Variants in OAS1 observed in about 807,000 individuals in gnomAD.
OAS1 encodes 2'-5'-oligoadenylate synthetase 1.
In OAS1, 24 loss-of-function variants were observed where a neutral mutation model predicts 38.5. The observed-to-expected ratio is 0.62, with a 90% CI of 0.45 to 0.88. The LOEUF is 0.88. Ranked by LOEUF, OAS1 falls within the 40% of genes least tolerant of loss-of-function variation. The probability of loss-of-function intolerance (pLI) is 0.00; values close to 1 mark genes in which losing one functional copy is unlikely to be tolerated. For synonymous variants in OAS1, 169 were observed against 193.9 expected, an observed-to-expected ratio of 0.87 and a Z score of 1.07; for missense variants, 482 against 493.9, an observed-to-expected ratio of 0.98 and a Z score of 0.23.
At chr12:112,926,335 C>T (rs994855166) in intron 6 of OAS1, among the ~76,000 whole-genome samples, 1 of 152,174 alleles carries the variant, frequency 6.6e-6, no homozygotes, top group South Asian at 2.1e-4. Flanking sequence ...AGGAGTACGA[C>T]ATGATGCTTG....
intron 3 of OAS1, among the ~76,000 whole-genome samples, chr12:112,914,640 G>T (rs898196514): frequency 1.3e-5 from 2 of 151,702 alleles, no homozygotes; most frequent in Non-Finnish European, 2.9e-5. Context: ...CATTCTTGCA[G>T]GAGTGAGGTG....
chr12:112,911,609 A>G (rs538544021), intron 3 of OAS1, among the ~76,000 whole-genome samples: 1 of 152,312 alleles, frequency 6.6e-6, no homozygotes, highest in South Asian at 2.1e-4. Context: ...AAGGTGGATA[A>G]GTTAAAACAA....
At chr12:112,927,185 C>T (rs2043565102) in intron 6 of OAS1, among the ~76,000 whole-genome samples, 1 of 152,156 alleles carries the variant, frequency 6.6e-6, no homozygotes, top group Admixed American at 6.5e-5. Context: ...CATACATCCT[C>T]AGCTTATGAA....
At chr12:112,923,046 G>A (rs1176037967), downstream of OAS1, among the ~76,000 whole-genome samples, 1 of 152,180 alleles carries the variant, frequency 6.6e-6, no homozygotes, top group Non-Finnish European at 1.5e-5. Context: ...TTTAAAGGCT[G>A]TATGTGCACT....
At chr12:112,926,963 A>G (rs1375280949) in intron 6 of OAS1, among the ~76,000 whole-genome samples, 1 of 152,134 alleles carries the variant, frequency 6.6e-6, no homozygotes, top group Non-Finnish European at 1.5e-5. Flanking sequence ...ATTCAGGGAT[A>G]TTTCTCTTAC....
intron 5 of OAS1, 142 bp downstream of exon 5, chr12:112,917,842 C>T: frequency 1.3e-6 from 2 of 1,567,984 alleles, no homozygotes; most frequent in Non-Finnish European, 1.7e-6. Flanking sequence ...GGCTGTGCTC[C>T]ATATTTTACA....
rs761571646 is a variant in OAS1 at position 112,907,024 on chromosome 12, ACTCT to A, written c.-10_-7del. On this transcript the variant is annotated 5_prime_UTR_variant, in exon 1 of 6. Transcript: ENST00000202917. ...AGGTCTGGGAGGCAGTTCTGTTGCC[ACTCT>A]CTCTCCTGTCAATGATGGATCTCAG... 20 of 1,613,790 alleles carry A rather than the reference ACTCT, an allele frequency of 1.2e-5. No homozygotes were observed. In the African/African-American group the frequency reaches 2.5e-4, roughly 20 times the overall value.
chr12:112,928,034 A>T (rs1401076650), intron 6 of OAS1, among the ~76,000 whole-genome samples: 4 of 152,168 alleles, frequency 2.6e-5, no homozygotes, highest in Non-Finnish European at 5.9e-5. Flanking sequence ...AGGCAAACCC[A>T]CTGAACTCAG....
intron 6 of OAS1, among the ~76,000 whole-genome samples, chr12:112,930,425 A>G (rs1947167943): frequency 6.6e-6 from 1 of 152,212 alleles, no homozygotes; most frequent in Non-Finnish European, 1.5e-5. Flanking sequence ...TGGGATTTGA[A>G]CCCACCTTTG....
rs111747561 is a variant in OAS1, at chr12:112,919,689, C to G, written c.*136C>G. The G allele has an allele frequency of 4.0e-4, 617 of 1,551,996 alleles. 3 individuals are homozygous for G. The African/African-American group carries it at 7.4e-3, about 19-fold the overall frequency. On this transcript the variant is annotated 3_prime_UTR_variant, in exon 6 of 6. Coordinates refer to ENST00000202917, the MANE Select transcript of OAS1 (RefSeq NM_016816.4). ...ATAATCCAGGACAGAACCCAGGTCT[C>G]CTGACTCCTGGCCTTCTATGCCCTC...
At chr12:112,918,396 G>A (rs902303936) in intron 5 of OAS1, 3 of 278,492 alleles carry the variant, frequency 1.1e-5, no homozygotes, top group African/African-American at 2.2e-5. Flanking sequence ...TCACACTGAT[G>A]GGCACTTAAG....
chr12:112,927,465 C>T (rs1293577545), intron 6 of OAS1, among the ~76,000 whole-genome samples: 1 of 152,128 alleles, frequency 6.6e-6, no homozygotes, highest in East Asian at 1.9e-4. Flanking sequence ...CCATGTGACT[C>T]CCAGAATCCT....
intron 3 of OAS1, among the ~76,000 whole-genome samples, chr12:112,915,343 C>A (rs2043441228): frequency 6.6e-6 from 1 of 152,160 alleles, no homozygotes; most frequent in Non-Finnish European, 1.5e-5. Context: ...ATGCAACTTG[C>A]CAATTATCCT....
chr12:112,922,310 A>G (rs941803028), downstream of OAS1, among the ~76,000 whole-genome samples: 10 of 152,114 alleles, frequency 6.6e-5, no homozygotes, highest in Non-Finnish European at 1.2e-4. Flanking sequence ...GGAAGGGATG[A>G]TGACTTTTTA....
chr12:112,917,967 G>C (rs572312387), intron 5 of OAS1: 3 of 1,387,092 alleles, frequency 2.2e-6, no homozygotes, highest in Non-Finnish European at 2.8e-6. Context: ...TGTCTGCTTC[G>C]GGCTCAGGTT....
Position 112,928,699 on chromosome 12 carries a change from G to A in OAS1, c.1168-3179G>A, listed in dbSNP as rs183705407. 1.2e-3 allele frequency among the ~76,000 whole-genome samples: 182 copies of A among 152,332 alleles called. 1 individual carries two copies. The highest frequency in any genetic ancestry group is 4.7e-3 in the Admixed American group (72 of 15,300). Reference sequence around the variant, plus strand: ...TTTAAGGCCTCAGCCCAGCACTGACGTGCCGTCACTTCTCACATTCCACTG... The same window carrying A: ...TTTAAGGCCTCAGCCCAGCACTGACATGCCGTCACTTCTCACATTCCACTG... On this transcript the variant is annotated intron_variant, in intron 6 of 6. Transcript: ENST00000540589.
intron 3 of OAS1, among the ~76,000 whole-genome samples, chr12:112,912,502 A>C (rs1464511136): frequency 2.6e-5 from 4 of 152,254 alleles, no homozygotes; most frequent in Admixed American, 2.6e-4. Context: ...CTCTAGGTAA[A>C]AAAAAGACAA....
Position 112,907,001 on chromosome 12 carries a change from G to T in OAS1, c.-39G>T. Reference sequence around the variant, plus strand: ...CAGCAGAAGAGATAAAAGCAAACAGGTCTGGGAGGCAGTTCTGTTGCCACT... The same window carrying T: ...CAGCAGAAGAGATAAAAGCAAACAGTTCTGGGAGGCAGTTCTGTTGCCACT... On this transcript the variant is annotated 5_prime_UTR_variant, in exon 1 of 6. Coordinates refer to ENST00000202917, the MANE Select transcript of OAS1 (RefSeq NM_016816.4). 1.2e-6 allele frequency: 2 copies of T among 1,608,550 alleles called. No individual in the cohort carries two copies. The highest frequency in any genetic ancestry group is 1.7e-6 in the Non-Finnish European group (2 of 1,175,162).
chr12:112,927,872 C>A (rs985292212), intron 6 of OAS1, among the ~76,000 whole-genome samples: 7 of 152,174 alleles, frequency 4.6e-5, no homozygotes, highest in African/African-American at 1.7e-4. Flanking sequence ...TAGAATCCAG[C>A]ATACTTGTAG....
Sources: allele counts gnomAD v4.1 joint callset (sites outside exome capture counted in the v4.1 genomes callset), GRCh38; gene constraint gnomAD v4.1.1; transcripts MANE v1.5; gene names NCBI Gene and HGNC (gene_info 2026-07-23, HGNC 2026-07-21).